The following LGI2 variants were observed in gnomAD, a reference collection of about 807,000 sequenced individuals.
LGI2 encodes the protein leucine-rich repeat LGI family member 2.
Under a neutral mutation model 52.0 loss-of-function variants are expected in LGI2, and 30 were observed. The observed-to-expected ratio is 0.58, with a 90% CI of 0.43 to 0.78. The LOEUF (loss-of-function observed/expected upper bound fraction) is 0.78, where lower values mean the gene tolerates loss of function less well. Among genes scored for constraint, LGI2 ranks in the 30% least tolerant of loss-of-function variants. The pLI, the probability that LGI2 is intolerant of heterozygous loss-of-function variation, is 0.00. For synonymous variants in LGI2, 270 were observed against 271.8 expected, an observed-to-expected ratio of 0.99 and a Z score of 0.06; for missense variants, 573 against 692.5, an observed-to-expected ratio of 0.83 and a Z score of 1.94.
chr4:25,011,344 G>A (rs931221337), intron 7 of LGI2, among the ~76,000 whole-genome samples: 19 of 152,070 alleles, frequency 1.2e-4, no homozygotes, highest in Non-Finnish European at 2.5e-4. Context: ...GTTACTCTCC[G>A]GAAGGTGAGC....
At chr4:25,014,244 T>A (rs1725676151) in intron 6 of LGI2, among the ~76,000 whole-genome samples, 1 of 152,214 alleles carries the variant, frequency 6.6e-6, no homozygotes, top group African/African-American at 2.4e-5. Context: ...AAAGGCAGGC[T>A]GTTTAAAGTG....
At position 25,003,710 on chromosome 4, in the gene LGI2, G is replaced by T. The variant is rs750099649; in HGVS notation, c.1379C>A (p.Pro460Gln). The T allele has an allele frequency of 1.9e-6, 3 of 1,614,194 alleles. No individual in the cohort carries two copies. In the Admixed American group the frequency reaches 5.0e-5, roughly 27 times the overall value. ...SKQFVEIQALPSRGAMTLQPF... is the reference protein window; with the variant it reads ...SKQFVEIQALQSRGAMTLQPF... Reference sequence around the variant, plus strand: ...CTGCAGGGTCATGGCCCCCCGGGATGGAAGAGCTTGGATCTCCACAAACTG... The same window carrying T: ...CTGCAGGGTCATGGCCCCCCGGGATTGAAGAGCTTGGATCTCCACAAACTG... Residue 460 changes from proline to glutamine, a missense_variant, in exon 8 of 8, where the codon CCA becomes CAA. Pro to Gln is a moderately conservative substitution (Grantham distance 76). Transcript: ENST00000382114.
At chr4:25,008,409 C>T (rs529171309) in intron 7 of LGI2, among the ~76,000 whole-genome samples, 1 of 151,986 alleles carries the variant, frequency 6.6e-6, no homozygotes, top group South Asian at 2.1e-4. Flanking sequence ...AAAAATTATC[C>T]AGGCATGGTG....
At position 25,005,810 on chromosome 4, in the gene LGI2, A is replaced by C. The variant is rs995394227; in HGVS notation, c.821-1542T>G. Among the ~76,000 whole-genome samples, 19 of 152,296 alleles carry C rather than the reference A, an allele frequency of 1.2e-4. No individual in the cohort carries two copies. In the East Asian group the frequency reaches 2.7e-3, roughly 22 times the overall value. ...AGAGTAGGATTAAACCTTATGACAC[A>C]GACCAGGTGGCCTAGGGTTCAAAGC... On this transcript the variant is annotated intron_variant, in intron 7 of 7. Coordinates refer to ENST00000382114, the MANE Select transcript of LGI2 (RefSeq NM_018176.4).
rs1725245975 is a variant in LGI2 at position 25,001,773 on chromosome 4, TTC to T, written c.*1676_*1677del. 1 of 152,018 alleles carries T rather than the reference TTC, an allele frequency of 6.6e-6. No homozygotes were observed. Among genetic ancestry groups the T allele is most frequent in the Non-Finnish European group, 1.5e-5 (1 of 68,022 alleles). 9.4% of individuals were successfully genotyped at this position (152,018 alleles called of 1,614,324 possible). Reference sequence around the variant, plus strand: ...GTGCTGATGTAACATCAATGCTTCATTCTCTGAGTGCTATTTATTGTCTCAAT... The same window carrying T: ...GTGCTGATGTAACATCAATGCTTCATTCTGAGTGCTATTTATTGTCTCAAT... On this transcript the variant is annotated 3_prime_UTR_variant, in exon 8 of 8. Coordinates refer to ENST00000382114, the MANE Select transcript of LGI2 (RefSeq NM_018176.4).
downstream of LGI2, among the ~76,000 whole-genome samples, chr4:24,998,650 G>T (rs1294711540): frequency 1.3e-5 from 2 of 152,266 alleles, no homozygotes; most frequent in East Asian, 3.9e-4. Flanking sequence ...GCTCTTCAGT[G>T]AATTTTTAGT....
At position 25,017,450 on chromosome 4, in the gene LGI2, G is replaced by T. The variant is rs138593636; in HGVS notation, c.655+539C>A. Among the ~76,000 whole-genome samples the T allele has an allele frequency of 1.7e-3, 260 of 148,578 alleles. 1 individual carries two copies. Among genetic ancestry groups the T allele is most frequent in the African/African-American group, 6.2e-3 (247 of 40,006 alleles). Reference sequence around the variant, plus strand: ...TCAGCTGCTCAGGAGGCTGAGGCAGGAGAATCGCTTGAACCCAGGAGGTGG... The same window carrying T: ...TCAGCTGCTCAGGAGGCTGAGGCAGTAGAATCGCTTGAACCCAGGAGGTGG... On this transcript the variant is annotated intron_variant, in intron 6 of 7. Coordinates refer to ENST00000382114, the MANE Select transcript of LGI2 (RefSeq NM_018176.4).
At chr4:25,016,113 C>T (rs10488953) in intron 6 of LGI2, among the ~76,000 whole-genome samples, 1 of 151,742 alleles carries the variant, frequency 6.6e-6, no homozygotes, top group South Asian at 2.1e-4. Flanking sequence ...TACCTCAGTT[C>T]CAAGCTACCA....
In LGI2 at chr4:25,030,611, G is replaced by A. The variant is rs770845084; in HGVS notation, c.83C>T (p.Ala28Val). Residue 28 changes from alanine (A) to valine (V), a missense_variant, in exon 1 of 8, where the codon GCG becomes GTG. By Grantham distance (64) the Ala-to-Val change is moderately conservative. Coordinates refer to ENST00000382114, the MANE Select transcript of LGI2 (RefSeq NM_018176.4). ...LGAACLIPRS[A>V]QVRRLARCPA... ...GCAGCGCGCCAGCCGCCTCACCTGCGCGCTCCGCGGTATCAGGCACGCGGC... is the reference window on the plus strand; with the variant it reads ...GCAGCGCGCCAGCCGCCTCACCTGCACGCTCCGCGGTATCAGGCACGCGGC... The A allele has an allele frequency of 3.8e-6, 6 of 1,559,936 alleles. No homozygotes were observed. The highest frequency in any genetic ancestry group is 5.2e-6 in the Non-Finnish European group (6 of 1,153,624).
In LGI2 at chr4:25,028,528, T is replaced by G; in HGVS notation, c.248A>C (p.His83Pro). ...FSEIKDRMFS[H>P]LPSLQLLLLN... ...TCACAGCAGCTGCAGAGAAGGCAGA[T>G]GGGAAAACATTCGGTCCTTGATTTC... Residue 83 changes from histidine (H) to proline (P), a missense_variant, in exon 2 of 8, where the codon CAT (histidine) becomes CCT (proline). Coordinates refer to ENST00000382114, the MANE Select transcript of LGI2 (RefSeq NM_018176.4). The G allele has an allele frequency of 6.2e-7, 1 of 1,613,532 alleles. No homozygotes were observed. The highest frequency in any genetic ancestry group is 8.5e-7 in the Non-Finnish European group (1 of 1,179,880).
intron 4 of LGI2, among the ~76,000 whole-genome samples, chr4:25,021,761 C>A (rs34192260): frequency 2.0e-5 from 3 of 151,744 alleles, no homozygotes; most frequent in Non-Finnish European, 4.4e-5. Context: ...GAAACGCTGT[C>A]TCTACTAAAA....
intron 4 of LGI2, among the ~76,000 whole-genome samples, chr4:25,022,022 T>C (rs1348359160): frequency 1.3e-5 from 2 of 151,704 alleles, no homozygotes; most frequent in African/African-American, 4.8e-5. Flanking sequence ...CATCCATCCA[T>C]TAGCAAATCA....
At chr4:25,024,124 A>G (rs1726064695) in intron 4 of LGI2, among the ~76,000 whole-genome samples, 1 of 152,288 alleles carries the variant, frequency 6.6e-6, no homozygotes, top group African/African-American at 2.4e-5. Flanking sequence ...AATCTGTAAA[A>G]TGGGGACTCA....
rs764758676 is a variant in LGI2 at position 25,017,924 on chromosome 4, A to G, written c.655+65T>C. 3.5e-4 allele frequency: 481 copies of G among 1,355,638 alleles called. 1 individual carries two copies. The highest frequency in any genetic ancestry group is 1.2e-4 in the Non-Finnish European group (125 of 1,008,792). 84.0% of individuals were successfully genotyped at this position (1,355,638 alleles called of 1,614,324 possible). A position where few individuals can be genotyped will look rare whatever the true frequency, so the allele number is the denominator to read the frequency against. On this transcript the variant is annotated intron_variant, in intron 6 of 7. Transcript: ENST00000382114. The stretch of plus-strand genomic sequence containing the variant: ...TCACTTTTCCCCAGTCTCTGTTGAC[A>G]GTGTAAAAGAAAGACAAAGAGATTA...
chr4:25,007,719 T>C (rs749842826), intron 7 of LGI2, among the ~76,000 whole-genome samples: 11 of 152,018 alleles, frequency 7.2e-5, no homozygotes, highest in Non-Finnish European at 1.5e-5. Context: ...AGATGAGACG[T>C]AGAGAGAACA....
chr4:25,028,187 G>A lies in LGI2; in HGVS notation c.269+320C>T, dbSNP rs555028414. On this transcript the variant is annotated intron_variant, in intron 2 of 7. Transcript: ENST00000382114. The stretch of plus-strand genomic sequence containing the variant: ...AAAATGAAGTTTTCTTTTAAACTGA[G>A]GTGTTTGGGAAACAGTGCATTTAGG... Among the ~76,000 whole-genome samples, 18 of 152,278 alleles carry A rather than the reference G, an allele frequency of 1.2e-4. No individual in the cohort carries two copies. The East Asian group carries it at 3.1e-3, about 26-fold the overall frequency.
At chr4:25,014,769 T>G (rs1465815947) in intron 6 of LGI2, among the ~76,000 whole-genome samples, 1 of 143,724 alleles carries the variant, frequency 7.0e-6, no homozygotes, top group Non-Finnish European at 1.5e-5. Flanking sequence ...AGTCTGAGGT[T>G]GCAGTGAGCT....
At position 25,030,723 on chromosome 4, in the gene LGI2, G is replaced by C; in HGVS notation, c.-30C>G. 1 of 1,174,614 alleles carries C rather than the reference G, an allele frequency of 8.5e-7. No homozygotes were observed. The allele number at this position is 1,174,614 out of a possible 1,614,324, so 72.8% of individuals were successfully genotyped here. A position where few individuals can be genotyped will look rare whatever the true frequency, so the allele number is the denominator to read the frequency against. ...GGTCCCCGCTCCCCGCCCGGGCCCC[G>C]ACCCCCACCGCCGCGCCGCGCGCTC... is the stretch of plus-strand genomic sequence containing the variant. On this transcript the variant is annotated 5_prime_UTR_variant, in exon 1 of 8. Coordinates refer to ENST00000382114, the MANE Select transcript of LGI2 (RefSeq NM_018176.4).
intron 5 of LGI2, among the ~76,000 whole-genome samples, chr4:25,018,476 G>A (rs1010898711): frequency 1.3e-5 from 2 of 152,206 alleles, no homozygotes; most frequent in African/African-American, 4.8e-5. Flanking sequence ...TGATAGAAGA[G>A]CAGCCCCCAA....
Sources: gnomAD v4.1 joint callset for allele counts (sites outside exome capture counted in the v4.1 genomes callset) on GRCh38, gnomAD v4.1.1 for gene constraint, MANE v1.5 for transcripts, NCBI Gene and HGNC (gene_info 2026-07-23, HGNC 2026-07-21) for gene names.